The following PARVA variants were observed in gnomAD, a reference collection of about 807,000 sequenced individuals.
PARVA encodes the protein parvin alpha.
PARVA carries 25 observed loss-of-function variants against 52.6 expected under a neutral mutation model. That is an observed-to-expected ratio of 0.48 (90% CI 0.35 to 0.66). PARVA has a LOEUF of 0.66. Among genes scored for constraint, PARVA ranks in the 30% least tolerant of loss-of-function variants. The pLI is 0.01. For synonymous variants in PARVA, 185 were observed against 179.1 expected (o/e 1.03, Z -0.26); for missense variants, 373 against 450.9 (o/e 0.83, Z 1.56).
chr11:12,457,484 G>A (rs1271644473), intron 1 of PARVA, among the ~76,000 whole-genome samples: 3 of 152,174 alleles, frequency 2.0e-5, no homozygotes, highest in Admixed American at 6.5e-5. Context: ...CCTCCTCTCA[G>A]AACCAGCACT....
intron 1 of PARVA, among the ~76,000 whole-genome samples, chr11:12,414,046 C>A (rs1037261092): frequency 6.6e-5 from 10 of 152,172 alleles, no homozygotes; most frequent in African/African-American, 2.4e-4. Flanking sequence ...TCCAGGGCCA[C>A]ACGGCAGCCG....
chr11:12,446,156 A>G (rs1285564405), intron 1 of PARVA, among the ~76,000 whole-genome samples: 1 of 152,192 alleles, frequency 6.6e-6, no homozygotes, highest in Non-Finnish European at 1.5e-5. Flanking sequence ...AAAACATAAT[A>G]TCCAAACACT....
intron 1 of PARVA, among the ~76,000 whole-genome samples, chr11:12,412,230 C>T (rs968495914): frequency 2.0e-5 from 3 of 152,200 alleles, no homozygotes; most frequent in African/African-American, 7.2e-5. Context: ...TCATGTCCAG[C>T]GTGAGCCTGG....
At position 12,532,259 on chromosome 11, in the gene PARVA, GAAAA is replaced by G. The variant is rs1349925655; in HGVS notation, c.*4340_*4343del. 6.6e-6 allele frequency among the ~76,000 whole-genome samples: 1 copy of G among 151,050 alleles called. No individual in the cohort carries two copies. Among genetic ancestry groups the G allele is most frequent in the Non-Finnish European group, 1.5e-5 (1 of 67,752 alleles). On this transcript the variant is annotated 3_prime_UTR_variant, in exon 13 of 13. Coordinates refer to ENST00000334956, the MANE Select transcript of PARVA (RefSeq NM_018222.5). The stretch of plus-strand genomic sequence containing the variant: ...TACAGGATATTAGTAAATGTTAGAT[GAAAA>G]AAAAAGTCACGTTTAAATATGTTTA...
At chr11:12,392,283 T>C (rs79538287) in intron 1 of PARVA, among the ~76,000 whole-genome samples, 3 of 146,420 alleles carry the variant, frequency 2.0e-5, no homozygotes, top group Non-Finnish European at 3.0e-5. Context: ...TTTTTTTTTT[T>C]CCTGAGACGG....
rs1323237421 is a variant in PARVA, at chr11:12,377,596, G to A, written c.-52G>A. The A allele has an allele frequency of 1.3e-6, 2 of 1,515,416 alleles. No homozygotes were observed. Among genetic ancestry groups the A allele is most frequent in the East Asian group, 2.8e-5 (1 of 35,536 alleles). The allele number at this position is 1,515,416 out of a possible 1,614,324, so 93.9% of individuals were successfully genotyped here. On this transcript the variant is annotated 5_prime_UTR_variant, in exon 1 of 13. Transcript: ENST00000334956. ...AGTCCCGCCGCCGCCCGCTGCGTCC[G>A]CCCAGCGCCAGCTCCGCGTCCCGAC...
At chr11:12,401,099 G>A (rs577933168) in intron 1 of PARVA, among the ~76,000 whole-genome samples, 130 of 152,312 alleles carry the variant, frequency 8.5e-4, no homozygotes, top group African/African-American at 3.1e-3. Context: ...GGCATGTAGT[G>A]GGACCAGGGT....
At chr11:12,511,660 C>A in intron 8 of PARVA, 127 bp downstream of exon 8, 1 of 973,086 alleles carries the variant, frequency 1.0e-6, no homozygotes, top group Non-Finnish European at 1.6e-6. Flanking sequence ...GCCTGGGTGA[C>A]ATGGCCAATT....
chr11:12,394,915 A>C (rs1181014697), intron 1 of PARVA, among the ~76,000 whole-genome samples: 1 of 152,066 alleles, frequency 6.6e-6, no homozygotes, highest in East Asian at 1.9e-4. Flanking sequence ...AACATGGTGA[A>C]ACCCCATCTC....
chr11:12,504,774 G>GGCGTGTGT (rs1554901960), intron 6 of PARVA, among the ~76,000 whole-genome samples: 1 of 149,240 alleles, frequency 6.7e-6, no homozygotes, highest in Non-Finnish European at 1.5e-5. Flanking sequence ...AAGGTATGTG[G>GGCGTGTGT]GTGTGTGTGT....
chr11:12,472,732 T>G (rs1321860573), intron 1 of PARVA, among the ~76,000 whole-genome samples: 1 of 152,206 alleles, frequency 6.6e-6, no homozygotes, highest in Non-Finnish European at 1.5e-5. Flanking sequence ...TTATTAAGGT[T>G]GATTGCAGCT....
chr11:12,395,048 G>A lies in PARVA; in HGVS notation c.136+17265G>A, dbSNP rs1939718406. On this transcript the variant is annotated intron_variant, in intron 1 of 12. Transcript: ENST00000334956. ...GGAGGTTGCAGTGAACCAAGGTCAG[G>A]CCATTGCACTCCAGCCTGGGCAACT... is the stretch of plus-strand genomic sequence containing the variant. Among the ~76,000 whole-genome samples the A allele has an allele frequency of 2.0e-5, 3 of 148,568 alleles. No homozygotes were observed. In the Admixed American group the frequency reaches 2.0e-4, roughly 10 times the overall value.
intron 12 of PARVA, among the ~76,000 whole-genome samples, chr11:12,524,935 C>A (rs140440622): frequency 1.3e-5 from 2 of 152,210 alleles, no homozygotes; most frequent in Non-Finnish European, 2.9e-5. Flanking sequence ...AGGACCCCTG[C>A]GCCCAGGCGG....
At chr11:12,489,977 G>T (rs760632732) in intron 4 of PARVA, among the ~76,000 whole-genome samples, 1 of 152,168 alleles carries the variant, frequency 6.6e-6, no homozygotes, top group Non-Finnish European at 1.5e-5. Flanking sequence ...AGCATTTTGG[G>T]AGGCCAAGGC....
At chr11:12,459,394 G>A (rs183564213) in intron 1 of PARVA, among the ~76,000 whole-genome samples, 1 of 151,392 alleles carries the variant, frequency 6.6e-6, no homozygotes, top group East Asian at 1.9e-4. Flanking sequence ...AACAGAGAGA[G>A]ACCCTGTCTC....
rs188710640 is a variant in PARVA at position 12,457,291 on chromosome 11, T to C, written c.137-16454T>C. 2.2e-4 allele frequency among the ~76,000 whole-genome samples: 33 copies of C among 152,302 alleles called. No homozygotes were observed. In the East Asian group the frequency reaches 6.4e-3, roughly 29 times the overall value. ...TGTACAGATTTGCTGTCAACATGAA[T>C]TGTTGGTTTAGGAAAAAAAAATCAG... On this transcript the variant is annotated intron_variant, in intron 1 of 12. Transcript: ENST00000334956.
At chr11:12,507,590 C>A (rs915081361) in intron 6 of PARVA, among the ~76,000 whole-genome samples, 1 of 152,160 alleles carries the variant, frequency 6.6e-6, no homozygotes, top group African/African-American at 2.4e-5. Flanking sequence ...TGAAATAACC[C>A]CTTCTCAGTG....
intron 6 of PARVA, among the ~76,000 whole-genome samples, chr11:12,506,221 G>A (rs909942182): frequency 2.0e-5 from 3 of 151,996 alleles, no homozygotes; most frequent in Non-Finnish European, 4.4e-5. Flanking sequence ...TCATGAAAGA[G>A]TACTTTAAAA....
intron 1 of PARVA, among the ~76,000 whole-genome samples, chr11:12,429,252 G>T (rs894039184): frequency 5.3e-5 from 8 of 152,068 alleles, no homozygotes; most frequent in Admixed American, 1.3e-4. Context: ...GGGATTATAG[G>T]CATGAGCCAC....
Sources: allele counts gnomAD v4.1 joint callset (sites outside exome capture counted in the v4.1 genomes callset), GRCh38; gene constraint gnomAD v4.1.1; transcripts MANE v1.5; gene names NCBI Gene and HGNC (gene_info 2026-07-23, HGNC 2026-07-21).